Variants in DISP2 observed in about 807,000 individuals in gnomAD.
DISP2 encodes the protein protein dispatched homolog 2.
In DISP2, 59 loss-of-function variants were observed where a neutral mutation model predicts 95.5. That is an observed-to-expected ratio of 0.62 (90% confidence interval 0.50 to 0.77). DISP2 has a LOEUF of 0.77. Among genes scored for constraint, DISP2 ranks in the 30% least tolerant of loss-of-function variants. The pLI is 0.00. For synonymous variants in DISP2, 827 were observed against 815.0 expected (o/e 1.01, Z -0.25); for missense variants, 1,752 against 1,854.6 (o/e 0.94, Z 1.02).
rs762606456 is a variant in DISP2, at chr15:40,368,995, C to T, written c.2883C>T (p.Ser961=). Residue 961 remains serine, a synonymous_variant, in exon 8 of 8, where the codon AGC becomes AGT. Coordinates refer to ENST00000267889, the MANE Select transcript of DISP2 (RefSeq NM_033510.3). ...TGTATAGCCTGCAGCACAGCCTGAG[C>T]ACTGAGCCTGCTGTGGTGCTGGGCC... is the stretch of plus-strand genomic sequence containing the variant. ...LELYSLQHSL[S]TEPAVVLGLA... 78 of 1,613,896 alleles carry T rather than the reference C, an allele frequency of 4.8e-5. No individual in the cohort carries two copies. The highest frequency in any genetic ancestry group is 6.5e-5 in the Non-Finnish European group (77 of 1,180,052).
At position 40,370,779 on chromosome 15, in the gene DISP2, T is replaced by C. The variant is rs537852038; in HGVS notation, c.*461T>C. On this transcript the variant is annotated 3_prime_UTR_variant, in exon 8 of 8. Transcript: ENST00000267889. Reference sequence around the variant, plus strand: ...CACAGCCTCCTGGGTCTCACCCCTTTCATGGGCTCTTCATCAGGACACTTC... The same window carrying C: ...CACAGCCTCCTGGGTCTCACCCCTTCCATGGGCTCTTCATCAGGACACTTC... The C allele has an allele frequency of 2.5e-6, 1 of 394,928 alleles. No individual in the cohort carries two copies. Among genetic ancestry groups the C allele is most frequent in the Admixed American group, 2.9e-5 (1 of 34,232 alleles). The allele number at this position is 394,928 out of a possible 1,614,324, so 24.5% of individuals were successfully genotyped here.
At position 40,374,795 on chromosome 15, in the gene DISP2, A is replaced by C. The variant is rs1035968501; in HGVS notation, c.*4477A>C. The C allele has an allele frequency of 1.3e-5, 2 of 150,448 alleles. No individual in the cohort carries two copies. The highest frequency in any genetic ancestry group is 3.0e-5 in the Non-Finnish European group (2 of 67,538). The allele number at this position is 150,448 out of a possible 1,614,324, so 9.3% of individuals were successfully genotyped here. On this transcript the variant is annotated 3_prime_UTR_variant, in exon 8 of 8. Coordinates refer to ENST00000267889, the MANE Select transcript of DISP2 (RefSeq NM_033510.3). The stretch of plus-strand genomic sequence containing the variant: ...TGGCAAATTTTTTGTATTTTTAGTA[A>C]AGACGGGGTTTCATTGTGTTAGCCA...
Position 40,365,142 on chromosome 15 carries a change from T to G in DISP2, c.720-5T>G. On this transcript the variant is annotated splice_region_variant and splice_polypyrimidine_tract_variant and intron_variant, in intron 5 of 7. Transcript: ENST00000267889. ...TGCCTGGCATAGATATTCTCTCCAC[T>G]TCAGCTCGAGCTCCCACAACACTCT... 6.2e-7 allele frequency: 1 copy of G among 1,613,274 alleles called. No individual in the cohort carries two copies. The highest frequency in any genetic ancestry group is 1.1e-5 in the South Asian group (1 of 90,996).
In DISP2 at chr15:40,370,216, G is replaced by C. The variant is rs755143838; in HGVS notation, c.4104G>C (p.Gly1368=). 1 of 1,609,214 alleles carries C rather than the reference G, an allele frequency of 6.2e-7. No homozygotes were observed. The highest frequency in any genetic ancestry group is 8.5e-7 in the Non-Finnish European group (1 of 1,178,026). Residue 1368 remains glycine, a synonymous_variant, in exon 8 of 8, where the codon GGG becomes GGC. Transcript: ENST00000267889. ...GCTTGTCCTGGAAGGGCCGAGGGGG[G>C]CCAGGGGATGGCAGCCCTGTGGTGC... ...HSSLSWKGRG[G]PGDGSPVVLP...
In DISP2 at chr15:40,378,020, G is replaced by A. The variant is rs1212728310; in HGVS notation, c.*7702G>A. 6.6e-6 allele frequency: 1 copy of A among 152,156 alleles called. No individual in the cohort carries two copies. The highest frequency in any genetic ancestry group is 2.4e-5 in the African/African-American group (1 of 41,432). 9.4% of individuals were successfully genotyped at this position (152,156 alleles called of 1,614,324 possible). ...CAAGCTGTTTCTAAGTAACTGAAGT[G>A]TATCCCAGAACAAAACCCAAGAACA... On this transcript the variant is annotated 3_prime_UTR_variant, in exon 8 of 8. Coordinates refer to ENST00000267889, the MANE Select transcript of DISP2 (RefSeq NM_033510.3).
rs1334202640 is a variant in DISP2 at position 40,375,480 on chromosome 15, T to C, written c.*5162T>C. The C allele has an allele frequency of 1.3e-5, 2 of 152,028 alleles. No individual in the cohort carries two copies. The highest frequency in any genetic ancestry group is 2.9e-5 in the Non-Finnish European group (2 of 68,026). The allele number at this position is 152,028 out of a possible 1,614,324, so 9.4% of individuals were successfully genotyped here. On this transcript the variant is annotated 3_prime_UTR_variant, in exon 8 of 8. Coordinates refer to ENST00000267889, the MANE Select transcript of DISP2 (RefSeq NM_033510.3). Reference sequence around the variant, plus strand: ...GTTTTGATTATTTGTATTGACTCTTTTATATTTTCTCCACCTTCCTCAAAT... The same window carrying C: ...GTTTTGATTATTTGTATTGACTCTTCTATATTTTCTCCACCTTCCTCAAAT...
rs953230195 is a variant in DISP2 at position 40,365,148 on chromosome 15, T to G, written c.721T>G (p.Ser241Ala). 4 of 1,613,360 alleles carry G rather than the reference T, an allele frequency of 2.5e-6. No individual in the cohort carries two copies. Among genetic ancestry groups the G allele is most frequent in the Non-Finnish European group, 3.4e-6 (4 of 1,179,672 alleles). ...GCATAGATATTCTCTCCACTTCAGC[T>G]CGAGCTCCCACAACACTCTGAGGCC... is the stretch of plus-strand genomic sequence containing the variant. ...FLSPDLELNS[S>A]SSHNTLRPAP... is the part of the protein sequence containing the mutation. The change falls in exon 6 of 8, where the codon TCG (serine) becomes GCG (alanine). Residue 241 changes from serine (S) to alanine (A), a missense_variant and splice_region_variant. Coordinates refer to ENST00000267889, the MANE Select transcript of DISP2 (RefSeq NM_033510.3).
chr15:40,365,861 C>A lies in DISP2; in HGVS notation c.945+136C>A, dbSNP rs1326981255. On this transcript the variant is annotated intron_variant, in intron 7 of 7. Coordinates refer to ENST00000267889, the MANE Select transcript of DISP2 (RefSeq NM_033510.3). ...AGCATTCCCTGCTTAGAAAATTATT[C>A]CAACCCTGCTGAGAGGCTCCAGGTT... The A allele has an allele frequency of 2.6e-5, 23 of 870,380 alleles. No homozygotes were observed. The East Asian group carries it at 5.9e-4, about 22-fold the overall frequency. The allele number at this position is 870,380 out of a possible 1,614,324, so 53.9% of individuals were successfully genotyped here.
chr15:40,363,494 C>A, intron 1 of DISP2, 131 bp from the exon 2 acceptor site: 1 of 683,260 alleles, frequency 1.5e-6, no homozygotes, highest in Non-Finnish European at 2.4e-6. Context: ...TCTCACTTCT[C>A]CCCCAGGACT....
In DISP2 at chr15:40,358,387, G is replaced by A. The variant is rs1357679982; in HGVS notation, c.66G>A (p.Gly22=). The A allele has an allele frequency of 2.9e-6, 4 of 1,359,052 alleles. No individual in the cohort carries two copies. The highest frequency in any genetic ancestry group is 3.8e-6 in the Non-Finnish European group (4 of 1,058,928). The allele number at this position is 1,359,052 out of a possible 1,614,324, so 84.2% of individuals were successfully genotyped here. A position where few individuals can be genotyped will look rare whatever the true frequency, so the allele number is the denominator to read the frequency against. The change falls in exon 1 of 8, where the codon GGG becomes GGA. Residue 22 remains glycine (G), a synonymous_variant. Coordinates refer to ENST00000267889, the MANE Select transcript of DISP2 (RefSeq NM_033510.3). ...CGGCTCCCGGCCCGGGTCCGGAAGG[G>A]GAGCAACGGCCCGAGGGGGAGCCCT... ...SGPAPGPGPE[G]EQRPEGEPLA...
intron 1 of DISP2, among the ~76,000 whole-genome samples, chr15:40,363,276 C>A (rs1889435216): frequency 6.7e-6 from 1 of 148,360 alleles, no homozygotes; most frequent in Admixed American, 6.8e-5. Flanking sequence ...AGCGCCACTG[C>A]ACCCCAGCCT....
In DISP2 at chr15:40,366,091, A is replaced by T. The variant is rs539778433; in HGVS notation, c.945+366A>T. Among the ~76,000 whole-genome samples the T allele has an allele frequency of 1.2e-3, 185 of 152,364 alleles. 1 individual carries two copies. The highest frequency in any genetic ancestry group is 1.4e-3 in the Non-Finnish European group (96 of 68,028). On this transcript the variant is annotated intron_variant, in intron 7 of 7. Coordinates refer to ENST00000267889, the MANE Select transcript of DISP2 (RefSeq NM_033510.3). ...TGAGCAGTGCCAATCCAGTTATGCT[A>T]ACTGGAGAATCATATACAATAACAT...
chr15:40,373,808 A>T lies in DISP2; in HGVS notation c.*3490A>T, dbSNP rs1419367231. ...ATCATGAGGTCAGGAGATCGAAACC[A>T]TCCTGGCTAACATGGTGAAACCCCG... is the stretch of plus-strand genomic sequence containing the variant. On this transcript the variant is annotated 3_prime_UTR_variant, in exon 8 of 8. Coordinates refer to ENST00000267889, the MANE Select transcript of DISP2 (RefSeq NM_033510.3). 6.6e-6 allele frequency: 1 copy of T among 151,766 alleles called. No homozygotes were observed. Among genetic ancestry groups the T allele is most frequent in the African/African-American group, 2.4e-5 (1 of 41,202 alleles). The allele number at this position is 151,766 out of a possible 1,614,324, so 9.4% of individuals were successfully genotyped here. A position where few individuals can be genotyped will look rare whatever the true frequency, so the allele number is the denominator to read the frequency against.
At position 40,367,290 on chromosome 15, in the gene DISP2, C is replaced by CA; in HGVS notation, c.1179dup (p.Arg394ThrfsTer13). On this transcript the variant is annotated frameshift_variant, in exon 8 of 8. Transcript: ENST00000267889. LOFTEE classifies it high-confidence loss of function. ...CTGGGACCTGGGCAGAACAAGTCCCCACGCTGTGCCCAGGTTCCCACCAAG... is the reference window on the plus strand; with the variant it reads ...CTGGGACCTGGGCAGAACAAGTCCCCAACGCTGTGCCCAGGTTCCCACCAAG... The CA allele has an allele frequency of 6.2e-7, 1 of 1,613,846 alleles. No individual in the cohort carries two copies. The highest frequency in any genetic ancestry group is 8.5e-7 in the Non-Finnish European group (1 of 1,179,964).
Position 40,369,935 on chromosome 15 carries a change from G to A in DISP2, c.3823G>A (p.Ala1275Thr). ...EAPAHSPKAKAADPPDGFCSS... is the reference protein window; with the variant it reads ...EAPAHSPKAKTADPPDGFCSS... ...CCCAGCCCACTCTCCTAAGGCCAAG[G>A]CTGCAGATCCTCCTGATGGCTTCTG... Residue 1275 changes from alanine to threonine, a missense_variant, in exon 8 of 8, where the codon GCT becomes ACT. Around this residue, in one of 5 missense-constraint regions of DISP2, gnomAD observed 347 missense variants for 344.2 expected, o/e 1.01. Coordinates refer to ENST00000267889, the MANE Select transcript of DISP2 (RefSeq NM_033510.3). 1.9e-6 allele frequency: 3 copies of A among 1,599,836 alleles called. No individual in the cohort carries two copies. Among genetic ancestry groups the A allele is most frequent in the Non-Finnish European group, 2.6e-6 (3 of 1,172,378 alleles).
rs1889536875 is a variant in DISP2, at chr15:40,367,968, C to T, written c.1856C>T (p.Ala619Val). The change falls in exon 8 of 8, where the codon GCC becomes GTC. Residue 619 changes from alanine (A) to valine (V), a missense_variant. Transcript: ENST00000267889. ...CGCCTGCCGGCCGTTCGCTGCCTCG[C>T]CCTCTTCATGGGCACGGCTGTGCTG... is the stretch of plus-strand genomic sequence containing the variant. ...LSRLPAVRCL[A>V]LFMGTAVLVH... The T allele has an allele frequency of 1.3e-6, 2 of 1,567,904 alleles. No homozygotes were observed. Among genetic ancestry groups the T allele is most frequent in the Non-Finnish European group, 1.7e-6 (2 of 1,164,902 alleles).
At chr15:40,359,754 G>A (rs1471255696) in intron 1 of DISP2, among the ~76,000 whole-genome samples, 1 of 152,210 alleles carries the variant, frequency 6.6e-6, no homozygotes, top group East Asian at 1.9e-4. Flanking sequence ...TTGGGCATAG[G>A]GACTTGCTTA....
rs759039521 is a variant in DISP2 at position 40,368,614 on chromosome 15, G to T, written c.2502G>T (p.Thr834=). ...ACACCCTGCAGGAAGGCTGGCCCAC[G>T]CTGTGTTTCGTGGAGACCCTCCAGC... ...FFDTLQEGWP[T]LCFVETLQRW... The change falls in exon 8 of 8, where the codon ACG becomes ACT. Residue 834 remains threonine (T), a synonymous_variant. Coordinates refer to ENST00000267889, the MANE Select transcript of DISP2 (RefSeq NM_033510.3). 3 of 1,607,298 alleles carry T rather than the reference G, an allele frequency of 1.9e-6. No individual in the cohort carries two copies. The Admixed American group carries it at 5.0e-5, about 27-fold the overall frequency.
rs1889722847 is a variant in DISP2 at position 40,375,696 on chromosome 15, T to A, written c.*5378T>A. On this transcript the variant is annotated 3_prime_UTR_variant, in exon 8 of 8. Transcript: ENST00000267889. ...AAGGAAGCAGTAATGGCTCCATCAA[T>A]GGCTTCTCACACTTGGTGTCAGAGG... The A allele has an allele frequency of 6.6e-6, 1 of 152,248 alleles. No individual in the cohort carries two copies. Among genetic ancestry groups the A allele is most frequent in the African/African-American group, 2.4e-5 (1 of 41,464 alleles). 9.4% of individuals were successfully genotyped at this position (152,248 alleles called of 1,614,324 possible).
Sources: allele counts gnomAD v4.1 joint callset (sites outside exome capture counted in the v4.1 genomes callset), GRCh38; gene constraint gnomAD v4.1.1; regional missense constraint gnomAD v4.1.1; transcripts MANE v1.5; gene names NCBI Gene and HGNC (gene_info 2026-07-23, HGNC 2026-07-21).